Variants in PRDM2 observed in about 807,000 individuals in gnomAD.
PRDM2 encodes PR domain zinc finger protein 2.
In PRDM2, 30 loss-of-function variants were observed where a neutral mutation model predicts 130.0. That is an observed-to-expected ratio of 0.23 (90% CI 0.17 to 0.31). The LOEUF (loss-of-function observed/expected upper bound fraction) is 0.31, where lower values mean the gene tolerates loss of function less well. Among genes scored for constraint, PRDM2 ranks in the 10% least tolerant of loss-of-function variants. The pLI is 1.00. For missense variants in PRDM2, 2,011 were observed against 2,108.4 expected (o/e 0.95, Z 0.90); for synonymous variants, 871 against 782.4 (o/e 1.11, Z -1.89).
chr1:13,802,675 A>G (rs1645026227), intron 8 of PRDM2, among the ~76,000 whole-genome samples: 1 of 152,208 alleles, frequency 6.6e-6, no homozygotes, highest in Non-Finnish European at 1.5e-5. Flanking sequence ...TCCTTACAGA[A>G]TCTTACCATC....
At chr1:13,783,033 C>T in intron 8 of PRDM2, 1 of 1,273,012 alleles carries the variant, frequency 7.9e-7, no homozygotes, top group Admixed American at 2.5e-5. Context: ...AGACTTAGGA[C>T]TCACAAAGCA....
chr1:13,749,586 TC>T, intron 6 of PRDM2, 99 bp downstream of exon 6: 2 of 820,140 alleles, frequency 2.4e-6, no homozygotes, highest in Non-Finnish European at 2.9e-6. Context: ...GCGAGGCGGG[TC>T]GCGGGCTCGG....
At chr1:13,737,143 G>C (rs866333878) in intron 4 of PRDM2, among the ~76,000 whole-genome samples, 11 of 152,198 alleles carry the variant, frequency 7.2e-5, no homozygotes, top group Middle Eastern at 3.2e-3. Context: ...TTCTCAGAAA[G>C]TACTTTTCAG....
At chr1:13,768,078 T>G (rs1644269887) in intron 6 of PRDM2, among the ~76,000 whole-genome samples, 1 of 146,960 alleles carries the variant, frequency 6.8e-6, no homozygotes, top group African/African-American at 2.5e-5. Context: ...CCTTGAGTTT[T>G]TTTTTTTTTT....
intron 8 of PRDM2, among the ~76,000 whole-genome samples, chr1:13,812,740 C>A (rs1258504976): frequency 6.6e-6 from 1 of 152,184 alleles, no homozygotes; most frequent in Non-Finnish European, 1.5e-5. Context: ...CTTTAAGGAC[C>A]AGTCAGGACC....
chr1:13,734,955 T>A (rs1279962093), intron 4 of PRDM2, among the ~76,000 whole-genome samples: 1 of 152,160 alleles, frequency 6.6e-6, no homozygotes, highest in Non-Finnish European at 1.5e-5. Context: ...AGTTTCCTAC[T>A]AACTTATTCC....
intron 8 of PRDM2, among the ~76,000 whole-genome samples, chr1:13,789,455 T>C (rs1644803432): frequency 6.6e-6 from 1 of 152,256 alleles, no homozygotes; most frequent in South Asian, 2.1e-4. Context: ...GTGGGGCTTG[T>C]ATTTTCATAG....
At chr1:13,756,087 TAA>T (rs576617549) in intron 6 of PRDM2, among the ~76,000 whole-genome samples, 9 of 132,928 alleles carry the variant, frequency 6.8e-5, no homozygotes, top group Middle Eastern at 3.7e-3. Context: ...CTGTCTCTTC[TAA>T]AAAAAAAAAA....
At position 13,719,187 on chromosome 1, in the gene PRDM2, A is replaced by G. The variant is rs191577211; in HGVS notation, c.9+3573A>G. 3.7e-4 allele frequency among the ~76,000 whole-genome samples: 57 copies of G among 152,280 alleles called. 2 individuals carry two copies. In the East Asian group the frequency reaches 0.011, roughly 29 times the overall value. ...TTGGATTACATGGTCAGAGAAGGCT[A>G]CTCTGTGGAGGTGATTGCTAGTAGA... On this transcript the variant is annotated intron_variant, in intron 2 of 9. Coordinates refer to ENST00000311066, the MANE Select transcript of PRDM2 (RefSeq NM_001393986.1).
intron 8 of PRDM2, 38 bp from the exon 9 acceptor site, chr1:13,816,389 C>T: frequency 6.2e-7 from 1 of 1,611,878 alleles, no homozygotes; most frequent in Non-Finnish European, 8.5e-7. Flanking sequence ...CCGGGCTGGG[C>T]TCCTGTGACA....
intron 2 of PRDM2, among the ~76,000 whole-genome samples, chr1:13,728,634 G>C (rs1643003183): frequency 6.7e-6 from 1 of 149,654 alleles, no homozygotes; most frequent in Admixed American, 6.8e-5. Flanking sequence ...GCTTTCCTCT[G>C]CTGGGTGTAT....
At chr1:13,732,295 C>G (rs1373246304) in intron 3 of PRDM2, among the ~76,000 whole-genome samples, 4 of 152,132 alleles carry the variant, frequency 2.6e-5, no homozygotes, top group African/African-American at 9.7e-5. Flanking sequence ...TACTTTAAAG[C>G]AAATGAACTT....
chr1:13,817,270 C>A (rs1557679912), intron 9 of PRDM2, among the ~76,000 whole-genome samples: 1 of 152,108 alleles, frequency 6.6e-6, no homozygotes. Flanking sequence ...AATCCAAAAT[C>A]AAAAAATTTC....
intron 9 of PRDM2, among the ~76,000 whole-genome samples, chr1:13,820,669 G>C (rs768735272): frequency 4.4e-4 from 67 of 152,260 alleles, no homozygotes; most frequent in Non-Finnish European, 7.1e-4. Context: ...TCCTGGGAGT[G>C]GGGGGTGTAG....
rs925436519 is a variant in PRDM2, at chr1:13,780,189, A to G, written c.2394A>G (p.Pro798=). Reference sequence around the variant, plus strand: ...ATGAGAGAGAAACTGTGAGCCCTCCATGCTTTGATGAATATAAAATGTCTA... The same window carrying G: ...ATGAGAGAGAAACTGTGAGCCCTCCGTGCTTTGATGAATATAAAATGTCTA... ...GRDERETVSP[P]CFDEYKMSKE... Residue 798 remains proline (P), a synonymous_variant, in exon 8 of 10, where the codon CCA becomes CCG. Coordinates refer to ENST00000311066, the MANE Select transcript of PRDM2 (RefSeq NM_001393986.1). 3.7e-6 allele frequency: 6 copies of G among 1,600,246 alleles called. No homozygotes were observed. In the African/African-American group the frequency reaches 6.7e-5, roughly 18 times the overall value.
At chr1:13,740,769 C>A (rs562318373) in intron 4 of PRDM2, among the ~76,000 whole-genome samples, 18 of 152,266 alleles carry the variant, frequency 1.2e-4, no homozygotes, top group African/African-American at 4.3e-4. Flanking sequence ...GTTTGACTTT[C>A]AAGAGGAAGA....
Position 13,773,112 on chromosome 1 carries a change from A to G in PRDM2, c.546A>G (p.Gly182=). Residue 182 remains glycine, a synonymous_variant, in exon 7 of 10, where the codon GGA becomes GGG. Transcript: ENST00000311066. The stretch of plus-strand genomic sequence containing the variant: ...AATCCCAGGAAAATAAAAACAAAGG[A>G]AACAAAATCCAAGACATACAACTGA... ...KKKSQENKNK[G]NKIQDIQLKT... 2 of 1,564,516 alleles carry G rather than the reference A, an allele frequency of 1.3e-6. No individual in the cohort carries two copies. The highest frequency in any genetic ancestry group is 1.7e-6 in the Non-Finnish European group (2 of 1,160,930).
intron 4 of PRDM2, among the ~76,000 whole-genome samples, chr1:13,735,650 T>G (rs1643245537): frequency 6.6e-6 from 1 of 152,198 alleles, no homozygotes; most frequent in Non-Finnish European, 1.5e-5. Context: ...ACACATGCAC[T>G]GCCTTCCCCA....
Position 13,779,947 on chromosome 1 carries a change from T to A in PRDM2, c.2152T>A (p.Cys718Ser). 1 of 1,614,220 alleles carries A rather than the reference T, an allele frequency of 6.2e-7. No homozygotes were observed. The highest frequency in any genetic ancestry group is 8.5e-7 in the Non-Finnish European group (1 of 1,180,038). The change falls in exon 8 of 10, where the codon TGT (cysteine) becomes AGT (serine). Residue 718 changes from cysteine (C) to serine (S), a missense_variant. Cys to Ser is a moderately radical substitution (Grantham distance 112, BLOSUM62 -1). This residue lies in a region of PRDM2 where 1,288 missense variants were observed against 1,237.7 expected (regional missense o/e 1.04). Transcript: ENST00000311066. This position sits in a 1 kb window ranked among gnomAD's most constrained non-coding sequence, Gnocchi z 4.9. The part of the protein sequence containing the change: ...ATEIAKLGPV[C>S]VSAPASMLPV... Reference sequence around the variant, plus strand: ...TGAAATAGCTAAATTAGGTCCTGTTTGTGTGTCTGCTCCTGCATCAATGTT... The same window carrying A: ...TGAAATAGCTAAATTAGGTCCTGTTAGTGTGTCTGCTCCTGCATCAATGTT...
Sources: gnomAD v4.1 joint callset for allele counts (sites outside exome capture counted in the v4.1 genomes callset) on GRCh38, gnomAD v4.1.1 for gene constraint, gnomAD v4.1.1 regional missense constraint, Gnocchi (gnomAD v3.1) non-coding constraint, MANE v1.5 for transcripts, NCBI Gene and HGNC (gene_info 2026-07-23, HGNC 2026-07-21) for gene names.